The following PLXND1 variants were observed in gnomAD, a reference collection of about 807,000 sequenced individuals.
PLXND1 encodes the protein plexin-D1.
In PLXND1, 54 loss-of-function variants were observed where a neutral mutation model predicts 197.7. That is an observed-to-expected ratio of 0.27 (90% CI 0.22 to 0.34). PLXND1 has a LOEUF of 0.34. Among genes scored for constraint, PLXND1 ranks in the 10% least tolerant of loss-of-function variants. The probability of loss-of-function intolerance (pLI) is 1.00; values close to 1 mark genes in which losing one functional copy is unlikely to be tolerated. For missense variants in PLXND1, 2,127 were observed against 2,699.2 expected (o/e 0.79, Z 4.70); for synonymous variants, 1,180 against 1,161.2 (o/e 1.02, Z -0.33).
chr3:129,596,806 G>T (rs1205876221), intron 1 of PLXND1, among the ~76,000 whole-genome samples: 3 of 152,208 alleles, frequency 2.0e-5, no homozygotes, highest in South Asian at 2.1e-4. Context: ...GGACTCTACC[G>T]CTGGTCCCAG....
rs758127963 is a variant in PLXND1, at chr3:129,560,670, G to GC, written c.5028+18dup. The GC allele has an allele frequency of 3.8e-5, 61 of 1,591,548 alleles. No homozygotes were observed. In the South Asian group the frequency reaches 6.4e-4, roughly 17 times the overall value. ...CCACTGAGGGGCTGGATCCCCCGGGGCCGAGGTTGGGCACTCACCAAATGG... is the reference window on the plus strand; with the variant it reads ...CCACTGAGGGGCTGGATCCCCCGGGGCCCGAGGTTGGGCACTCACCAAATGG... On this transcript the variant is annotated intron_variant, in intron 30 of 35. Transcript: ENST00000324093.
chr3:129,594,656 G>A (rs569369350), intron 1 of PLXND1, among the ~76,000 whole-genome samples: 21 of 152,192 alleles, frequency 1.4e-4, no homozygotes, highest in Admixed American at 9.8e-4. Context: ...ATGGGCTCCT[G>A]GAAAAGAAAG....
intron 8 of PLXND1, among the ~76,000 whole-genome samples, chr3:129,582,157 G>A (rs1356959157): frequency 1.3e-5 from 2 of 152,278 alleles, no homozygotes; most frequent in Non-Finnish European, 2.9e-5. Flanking sequence ...GCCCCTGCCA[G>A]GCTCTTCTTC....
chr3:129,600,134 G>C (rs1170720948), intron 1 of PLXND1, among the ~76,000 whole-genome samples: 1 of 152,208 alleles, frequency 6.6e-6, no homozygotes, highest in East Asian at 1.9e-4. Context: ...GGGCACTAGA[G>C]ACCATTCTCT....
At chr3:129,575,247 G>A (rs754905873) in intron 11 of PLXND1, among the ~76,000 whole-genome samples, 6 of 148,272 alleles carry the variant, frequency 4.0e-5, no homozygotes, top group South Asian at 2.2e-4. Flanking sequence ...CTATGGGGAC[G>A]ATCAGGCCCA....
Position 129,556,698 on chromosome 3 carries a change from G to C in PLXND1, c.5587-7C>G. 6.2e-7 allele frequency: 1 copy of C among 1,606,292 alleles called. No individual in the cohort carries two copies. The highest frequency in any genetic ancestry group is 8.5e-7 in the Non-Finnish European group (1 of 1,173,892). ...TGAACTCATTCTGGTATTTCTATAA[G>C]GAGGCAGGATGGGGAGGAGGTTAGC... On this transcript the variant is annotated splice_polypyrimidine_tract_variant and splice_region_variant and intron_variant, in intron 34 of 35. Coordinates refer to ENST00000324093, the MANE Select transcript of PLXND1 (RefSeq NM_015103.3).
Position 129,606,109 on chromosome 3 carries a change from G to T in PLXND1, c.531C>A (p.Pro177=). Residue 177 remains proline (P), a synonymous_variant, in exon 1 of 36, where the codon CCC becomes CCA. Transcript: ENST00000324093. ...GGTTGGCCGCCACGTTCAGCATGCT[G>T]GGGAACACCGTGACGGGCTCGGCGG... ...APPAEPVTVF[P]SMLNVAANHP... 1 of 1,542,094 alleles carries T rather than the reference G, an allele frequency of 6.5e-7. No individual in the cohort carries two copies. Among genetic ancestry groups the T allele is most frequent in the South Asian group, 1.2e-5 (1 of 84,078 alleles).
In PLXND1 at chr3:129,606,022, G is replaced by A; in HGVS notation, c.618C>T (p.Arg206=). ...CGGTGTACGTGGCGCCCACGAGCAG[G>A]CGGCTGCCCCCCGCGCCCGCGGCGG... ...LPPAAGAGGS[R]LLVGATYTGY... The change falls in exon 1 of 36, where the codon CGC becomes CGT. Residue 206 remains arginine, a synonymous_variant. Transcript: ENST00000324093. The A allele has an allele frequency of 6.2e-7, 1 of 1,604,328 alleles. No homozygotes were observed. Among genetic ancestry groups the A allele is most frequent in the African/African-American group, 1.3e-5 (1 of 74,900 alleles).
rs2085414873 is a variant in PLXND1, at chr3:129,583,556, G to T, written c.2241+11C>A. ...ACAGCAGAGGCGGAGGGGCCCCCTA[G>T]CCTGGCTTACCGTGGGGTTTGGTGA... On this transcript the variant is annotated intron_variant, in intron 8 of 35. Transcript: ENST00000324093. 5.6e-6 allele frequency: 9 copies of T among 1,596,124 alleles called. No individual in the cohort carries two copies. Among genetic ancestry groups the T allele is most frequent in the Non-Finnish European group, 7.7e-6 (9 of 1,165,510 alleles).
intron 1 of PLXND1, among the ~76,000 whole-genome samples, chr3:129,602,252 A>G (rs2085719255): frequency 6.6e-6 from 1 of 152,146 alleles, no homozygotes; most frequent in Non-Finnish European, 1.5e-5. Context: ...ACCCCAGGAT[A>G]AAGTCCAGAC....
intron 1 of PLXND1, among the ~76,000 whole-genome samples, chr3:129,591,100 G>A (rs2085534233): frequency 1.3e-5 from 2 of 152,216 alleles, no homozygotes; most frequent in South Asian, 4.1e-4. Context: ...ACGGCCGGAT[G>A]GGCTTCTAGG....
intron 25 of PLXND1, among the ~76,000 whole-genome samples, chr3:129,564,229 TG>T (rs1431172275): frequency 1.3e-5 from 2 of 152,220 alleles, no homozygotes; most frequent in Non-Finnish European, 2.9e-5. Flanking sequence ...CCAGGCTACT[TG>T]GCCCTCAAGC....
At chr3:129,571,638 C>T (rs373648533) in intron 16 of PLXND1, 39 bp from the exon 17 acceptor site, 3 of 1,613,732 alleles carry the variant, frequency 1.9e-6, no homozygotes, top group Non-Finnish European at 2.5e-6. Flanking sequence ...CACCTGCAGC[C>T]CCAGAGAGCC....
chr3:129,589,378 C>A lies in PLXND1; in HGVS notation c.1461G>T (p.Leu487=). 6.2e-7 allele frequency: 1 copy of A among 1,611,136 alleles called. No homozygotes were observed. ...TGAGAAGCCTCCCGTTGACCGTGCC[C>A]AGGAAGACCGCTGTGTAGTTGTTGA... ...ASVNNYTAVF[L]GTVNGRLLKI... Residue 487 remains leucine (L), a synonymous_variant, in exon 2 of 36, where the codon CTG becomes CTT. Transcript: ENST00000324093.
chr3:129,587,077 G>A (rs1213987460), intron 2 of PLXND1, among the ~76,000 whole-genome samples: 3 of 152,194 alleles, frequency 2.0e-5, no homozygotes, highest in African/African-American at 7.2e-5. Flanking sequence ...TCTACAATGT[G>A]TAAGTTGTAC....
chr3:129,573,843 C>T, intron 12 of PLXND1, 98 bp from the exon 13 acceptor site: 1 of 1,333,568 alleles, frequency 7.5e-7, no homozygotes. Context: ...CACAGCCGTG[C>T]AGACCCACTG....
At chr3:129,593,176 C>G (rs2085571920) in intron 1 of PLXND1, among the ~76,000 whole-genome samples, 1 of 152,136 alleles carries the variant, frequency 6.6e-6, no homozygotes, top group Non-Finnish European at 1.5e-5. Flanking sequence ...TCCTGGCTGT[C>G]CTCGGGATCA....
chr3:129,570,017 C>T, intron 19 of PLXND1, 60 bp from the exon 20 acceptor site: 1 of 955,174 alleles, frequency 1.0e-6, no homozygotes, highest in East Asian at 2.4e-5. Flanking sequence ...TAGTTCTGCT[C>T]CTCACTTGCT....
chr3:129,561,629 A>C lies in PLXND1; in HGVS notation c.4993+17T>G. 1 of 1,589,666 alleles carries C rather than the reference A, an allele frequency of 6.3e-7. No individual in the cohort carries two copies. The highest frequency in any genetic ancestry group is 8.6e-7 in the Non-Finnish European group (1 of 1,163,320). ...CACACGCAGCCTGGGCTCCCTTCCC[A>C]CGTGCACCCGCACTACCTCGGCCCA... On this transcript the variant is annotated intron_variant, in intron 29 of 35. Transcript: ENST00000324093.
Sources: gnomAD v4.1 joint callset for allele counts (sites outside exome capture counted in the v4.1 genomes callset) on GRCh38, gnomAD v4.1.1 for gene constraint, MANE v1.5 for transcripts, NCBI Gene and HGNC (gene_info 2026-07-23, HGNC 2026-07-21) for gene names.